Variants in MID1 observed in about 807,000 individuals in gnomAD.
MID1 encodes the protein E3 ubiquitin-protein ligase Midline-1.
A neutral mutation model predicts 40.4 loss-of-function variants in MID1; 7 were observed. The observed-to-expected ratio is 0.17, with a 90% CI of 0.10 to 0.33. The LOEUF is 0.33. Among genes scored for constraint, MID1 ranks in the 10% least tolerant of loss-of-function variants. The pLI, the probability that MID1 is intolerant of heterozygous loss-of-function variation, is 1.00. For missense variants in MID1, 367 were observed against 558.5 expected (o/e 0.66, Z 3.46); for synonymous variants, 229 against 221.2 (o/e 1.04, Z -0.31).
intron 3 of MID1, chrX:10,501,349 A>C: frequency 9.5e-7 from 1 of 1,053,929 alleles, no homozygotes; most frequent in Non-Finnish European, 1.3e-6. Context: ...CAGTATGAGA[A>C]ACTCAGTCAC....
chrX:10,460,107 G>C (rs1228808962), intron 7 of MID1: 1 of 356,000 alleles, frequency 2.8e-6, no homozygotes, highest in Non-Finnish European at 5.0e-6. Flanking sequence ...GACTTGCTTT[G>C]GTCAATAGCA....
At chrX:10,781,262 A>G (rs975577996) in intron 1 of MID1, among the ~76,000 whole-genome samples, 4 of 111,745 alleles carry the variant, frequency 3.6e-5, no homozygotes, top group Non-Finnish European at 7.5e-5. Flanking sequence ...AGTAAGAGTT[A>G]TATATGAAAT....
intron 3 of MID1, among the ~76,000 whole-genome samples, chrX:10,510,970 C>T (rs777820101): frequency 1.6e-4 from 18 of 109,905 alleles, no homozygotes; most frequent in African/African-American, 5.0e-4. Flanking sequence ...TTAGGCTGGG[C>T]GTGGTCGCTC....
chrX:10,548,287 TATG>T (rs1407466660), intron 2 of MID1, among the ~76,000 whole-genome samples: 1 of 111,540 alleles, frequency 9.0e-6, no homozygotes, highest in Non-Finnish European at 1.9e-5. Context: ...TACCCCTCTC[TATG>T]ATGTTATTCT....
At chrX:10,481,014 G>A (rs1181651620) in intron 5 of MID1, among the ~76,000 whole-genome samples, 1 of 111,898 alleles carries the variant, frequency 8.9e-6, no homozygotes, top group African/African-American at 3.3e-5. Flanking sequence ...GTCATAAGAT[G>A]GCGAGTATTT....
chrX:10,609,045 T>C (rs939801530), intron 1 of MID1, among the ~76,000 whole-genome samples: 1 of 111,952 alleles, frequency 8.9e-6, no homozygotes, highest in Non-Finnish European at 1.9e-5. Context: ...TAATACTATT[T>C]GGTGTTGTTT....
At chrX:10,630,156 T>C (rs1219603399) in intron 1 of MID1, among the ~76,000 whole-genome samples, 1 of 111,682 alleles carries the variant, frequency 9.0e-6, no homozygotes, top group Non-Finnish European at 1.9e-5. Context: ...CAGGTACAAA[T>C]AGGTTAAGTG....
intron 1 of MID1, among the ~76,000 whole-genome samples, chrX:10,753,744 A>G (rs1183169999): frequency 1.8e-5 from 2 of 112,151 alleles, no homozygotes; most frequent in Non-Finnish European, 3.8e-5. Flanking sequence ...GTTGTAAAAT[A>G]TTTTTATATC....
chrX:10,692,636 T>C (rs1054108910), intron 1 of MID1, among the ~76,000 whole-genome samples: 5 of 111,354 alleles, frequency 4.5e-5, no homozygotes, highest in Non-Finnish European at 7.5e-5. Context: ...AAATTATTCA[T>C]GAGGTACTTT....
intron 8 of MID1, among the ~76,000 whole-genome samples, chrX:10,457,771 C>T (rs1928772433): frequency 1.8e-5 from 2 of 112,507 alleles, no homozygotes; most frequent in Admixed American, 1.9e-4. Context: ...GCTCACCTAT[C>T]CTCCCAACCT....
intron 6 of MID1, among the ~76,000 whole-genome samples, chrX:10,473,561 A>C (rs920003664): frequency 1.8e-5 from 2 of 112,238 alleles, no homozygotes; most frequent in Admixed American, 9.5e-5. Context: ...TGTAAAAACA[A>C]ACATCACACA....
At position 10,726,038 on chromosome X, in the gene MID1, T is replaced by C. The variant is rs183297036; in HGVS notation, c.-186-105619A>G. 3.6e-5 allele frequency among the ~76,000 whole-genome samples: 4 copies of C among 112,317 alleles called. No homozygotes were observed. In the Admixed American group the frequency reaches 3.8e-4, roughly 11 times the overall value. On this transcript the variant is annotated intron_variant, in intron 1 of 10. Coordinates refer to the MID1 transcript ENST00000380785. ...TCTAATGGAACAAGGTAGAAGTTTT[T>C]TTCTTTTAAAAGCCACTATGTATTT...
intron 1 of MID1, among the ~76,000 whole-genome samples, chrX:10,734,551 T>TA (rs60973932): frequency 0.069 from 6,783 of 98,016 alleles, 191 homozygotes; most frequent in African/African-American, 0.1. Flanking sequence ...AAATAAAAGT[T>TA]AAAAAAAAAA....
At chrX:10,759,225 C>T (rs2043658010) in intron 1 of MID1, among the ~76,000 whole-genome samples, 1 of 112,151 alleles carries the variant, frequency 8.9e-6, no homozygotes, top group Non-Finnish European at 1.9e-5. Context: ...ACATTTAGTC[C>T]TAAGCGAGTG....
intron 1 of MID1, among the ~76,000 whole-genome samples, chrX:10,601,917 G>A (rs1272201347): frequency 9.7e-6 from 1 of 103,492 alleles, no homozygotes; most frequent in Non-Finnish European, 2.0e-5. Context: ...TTTTTTTTGA[G>A]ACAGAGTCTC....
intron 1 of MID1, among the ~76,000 whole-genome samples, chrX:10,704,540 C>A (rs1433354287): frequency 9.3e-6 from 1 of 107,984 alleles, no homozygotes; most frequent in Admixed American, 1.0e-4. Flanking sequence ...TTTTTTGAAG[C>A]CAGCAAAACT....
At chrX:10,731,112 T>A in intron 1 of MID1, among the ~76,000 whole-genome samples, 1 of 111,989 alleles carries the variant, frequency 8.9e-6, no homozygotes, top group Non-Finnish European at 1.9e-5. Flanking sequence ...TTGTAATTAT[T>A]TGTGACTGTC....
chrX:10,507,893 C>A (rs1931922124), intron 3 of MID1, among the ~76,000 whole-genome samples: 1 of 112,409 alleles, frequency 8.9e-6, no homozygotes, highest in African/African-American at 3.2e-5. Flanking sequence ...TGCTTCTCAG[C>A]AGCAAGTTTT....
chrX:10,726,501 T>C, intron 1 of MID1, among the ~76,000 whole-genome samples: 1 of 101,659 alleles, frequency 9.8e-6, no homozygotes, highest in East Asian at 2.8e-4. Flanking sequence ...TGTTTCTTTC[T>C]CTGAGGAAAA....
Sources: gnomAD v4.1 joint callset for allele counts (sites outside exome capture counted in the v4.1 genomes callset) on GRCh38, gnomAD v4.1.1 for gene constraint, MANE v1.5 for transcripts, NCBI Gene and HGNC (gene_info 2026-07-23, HGNC 2026-07-21) for gene names.